The following KLHL1 variants were observed in gnomAD, a reference collection of about 807,000 sequenced individuals.
The protein encoded by KLHL1 is kelch-like protein 1.
In KLHL1, 47 loss-of-function variants were observed where a neutral mutation model predicts 77.7. That is an observed-to-expected ratio of 0.60 (90% CI 0.48 to 0.77). The LOEUF (loss-of-function observed/expected upper bound fraction) is 0.77, where lower values mean the gene tolerates loss of function less well. KLHL1 is among the 30% of genes least tolerant of loss of function. KLHL1 has a pLI of 0.00. For missense variants in KLHL1, 925 were observed against 910.8 expected (o/e 1.02, Z -0.20); for synonymous variants, 360 against 325.2 (o/e 1.11, Z -1.15).
At chr13:69,785,133 C>A (rs959392476) in intron 7 of KLHL1, among the ~76,000 whole-genome samples, 5 of 151,872 alleles carry the variant, frequency 3.3e-5, no homozygotes, top group Admixed American at 1.3e-4. Context: ...ACCTCGTGAT[C>A]CGCCCGCCTT....
chr13:69,997,925 G>C (rs1885198801), intron 1 of KLHL1, among the ~76,000 whole-genome samples: 1 of 151,520 alleles, frequency 6.6e-6, no homozygotes, highest in Non-Finnish European at 1.5e-5. Flanking sequence ...AGGAGTGCAC[G>C]TGTCTCTTCG....
intron 6 of KLHL1, among the ~76,000 whole-genome samples, chr13:69,837,153 T>C (rs1176868766): frequency 1.3e-5 from 2 of 151,858 alleles, no homozygotes; most frequent in Non-Finnish European, 2.9e-5. Flanking sequence ...AAAAAGAAAT[T>C]AGCTTATACC....
chr13:70,062,248 G>A (rs746086838), intron 1 of KLHL1, among the ~76,000 whole-genome samples: 6 of 152,096 alleles, frequency 3.9e-5, no homozygotes, highest in Non-Finnish European at 8.8e-5. Flanking sequence ...GAGAAATTTT[G>A]AGATAAATAT....
At chr13:69,784,631 C>T (rs1349909529) in intron 7 of KLHL1, among the ~76,000 whole-genome samples, 1 of 151,290 alleles carries the variant, frequency 6.6e-6, no homozygotes, top group Non-Finnish European at 1.5e-5. Flanking sequence ...ACAAGAAGAG[C>T]TAACTATCCT....
At chr13:69,924,641 C>T (rs1882755244) in intron 4 of KLHL1, among the ~76,000 whole-genome samples, 1 of 152,182 alleles carries the variant, frequency 6.6e-6, no homozygotes, top group Non-Finnish European at 1.5e-5. Context: ...GAACTCAGGA[C>T]CCACCAAATG....
chr13:70,089,669 A>T (rs1248052415), intron 1 of KLHL1, among the ~76,000 whole-genome samples: 1 of 152,140 alleles, frequency 6.6e-6, no homozygotes, highest in Non-Finnish European at 1.5e-5. Flanking sequence ...GTGTTAACAT[A>T]AATCTAGGTC....
rs778850414 is a variant in KLHL1 at position 69,719,468 on chromosome 13, C to A, written c.1916G>T (p.Gly639Val). ...MCAPMCKRRG[G>V]VGVATCDGFL... ...ACCGTCACATGTGGCCACTCCGACA[C>A]CCCCTCTCCTCTTACACATGGGAGC... Residue 639 changes from glycine (G) to valine (V), a missense_variant, in exon 9 of 11, where the codon GGT (glycine) becomes GTT (valine). Gly to Val is a moderately radical substitution (Grantham distance 109, BLOSUM62 -3). Transcript: ENST00000377844. The A allele has an allele frequency of 1.2e-6, 2 of 1,613,394 alleles. No homozygotes were observed. The highest frequency in any genetic ancestry group is 1.7e-6 in the Non-Finnish European group (2 of 1,179,690).
intron 4 of KLHL1, among the ~76,000 whole-genome samples, chr13:69,914,243 C>T (rs866892816): frequency 6.6e-6 from 1 of 152,100 alleles, no homozygotes; most frequent in Non-Finnish European, 1.5e-5. Flanking sequence ...CTCTAGAGAA[C>T]CTTGACTGAG....
intron 1 of KLHL1, among the ~76,000 whole-genome samples, chr13:70,060,828 A>T (rs560033351): frequency 6.8e-6 from 1 of 146,190 alleles, no homozygotes; most frequent in Admixed American, 6.9e-5. Context: ...CCTGGGCAAC[A>T]AGAGTGAAAC....
intron 1 of KLHL1, among the ~76,000 whole-genome samples, chr13:70,045,930 T>A (rs1886484832): frequency 6.6e-6 from 1 of 152,228 alleles, no homozygotes; most frequent in Non-Finnish European, 1.5e-5. Flanking sequence ...AATTGCCTCA[T>A]CCTGGTAAAG....
intron 1 of KLHL1, among the ~76,000 whole-genome samples, chr13:70,009,225 C>T (rs771055409): frequency 2.6e-5 from 4 of 151,966 alleles, no homozygotes; most frequent in Admixed American, 6.6e-5. Flanking sequence ...GTGCTTTGAA[C>T]GAAGACTACA....
intron 3 of KLHL1, among the ~76,000 whole-genome samples, chr13:69,960,798 T>C (rs902504730): frequency 6.6e-6 from 1 of 151,878 alleles, no homozygotes; most frequent in Non-Finnish European, 1.5e-5. Context: ...AATGTCAACA[T>C]AGTAGATCAG....
intron 2 of KLHL1, among the ~76,000 whole-genome samples, chr13:69,967,516 A>C (rs1035220744): frequency 6.6e-6 from 1 of 152,208 alleles, no homozygotes; most frequent in Non-Finnish European, 1.5e-5. Context: ...TGAGCAAAGA[A>C]AATGATTCTT....
chr13:69,936,780 T>A (rs1210101809), intron 4 of KLHL1, among the ~76,000 whole-genome samples: 1 of 152,034 alleles, frequency 6.6e-6, no homozygotes, highest in East Asian at 1.9e-4. Context: ...ACTGAAGATT[T>A]CAACCTTCAT....
In KLHL1 at chr13:70,075,569, G is replaced by GTGTATATATATATATATA. The variant is rs761519216; in HGVS notation, c.497+31633_497+31634insTATATATATATATATACA. Among the ~76,000 whole-genome samples, 59 of 106,622 alleles carry GTGTATATATATATATATA rather than the reference G, an allele frequency of 5.5e-4. 1 individual carries two copies. Among genetic ancestry groups the GTGTATATATATATATATA allele is most frequent in the African/African-American group, 1.3e-3 (35 of 27,314 alleles). The allele number at this position is 106,622 out of a possible 152,430, so 69.9% of individuals were successfully genotyped here. On this transcript the variant is annotated intron_variant, in intron 1 of 10. Transcript: ENST00000377844. ...TATATATACCTGTGTGTGTGTATGT[G>GTGTATATATATATATATA]TATATATATATATATATATACACAC... is the stretch of plus-strand genomic sequence containing the variant.
intron 3 of KLHL1, among the ~76,000 whole-genome samples, chr13:69,950,345 G>C (rs1883667780): frequency 7.0e-6 from 1 of 142,650 alleles, no homozygotes; most frequent in Non-Finnish European, 1.6e-5. Flanking sequence ...ACAAGGAATT[G>C]TTTTCAGAGT....
intron 4 of KLHL1, among the ~76,000 whole-genome samples, chr13:69,890,591 T>C (rs1881388832): frequency 6.6e-6 from 1 of 151,912 alleles, no homozygotes; most frequent in Non-Finnish European, 1.5e-5. Context: ...ATTACTATTC[T>C]GTTTATCACC....
chr13:69,719,209 T>TGTGTGTGTGTGAGAGAGAGA (rs879782405), intron 9 of KLHL1, among the ~76,000 whole-genome samples, 160 bp downstream of exon 9: 2 of 36,864 alleles, frequency 5.4e-5, no homozygotes, highest in African/African-American at 1.1e-4. Context: ...TGTGTGTGTG[T>TGTGTGTGTGTGAGAGAGAGA]GAGAGAGAGA....
intron 1 of KLHL1, among the ~76,000 whole-genome samples, chr13:70,039,589 T>A (rs939053362): frequency 2.0e-5 from 3 of 152,000 alleles, no homozygotes; most frequent in African/African-American, 7.2e-5. Context: ...TTTCTCTGAT[T>A]TTTATTTCTC....
Sources: gnomAD v4.1 joint callset for allele counts (sites outside exome capture counted in the v4.1 genomes callset) on GRCh38, gnomAD v4.1.1 for gene constraint, MANE v1.5 for transcripts, NCBI Gene and HGNC (gene_info 2026-07-23, HGNC 2026-07-21) for gene names.